Variants in VPS9D1 observed in about 807,000 individuals in gnomAD.
VPS9D1 encodes VPS9 domain-containing protein 1.
Under a neutral mutation model 75.8 loss-of-function variants are expected in VPS9D1, and 78 were observed. The observed-to-expected ratio is 1.03, with a 90% CI of 0.86 to 1.24. The LOEUF is 1.24. VPS9D1 is among the 50% of genes most tolerant of loss of function. The pLI is 0.00. For missense variants in VPS9D1, 1,057 were observed against 847.7 expected, an observed-to-expected ratio of 1.25 and a Z score of -3.07; for synonymous variants, 481 against 385.6, an observed-to-expected ratio of 1.25 and a Z score of -2.90.
Position 89,711,295 on chromosome 16 carries a change from A to C in VPS9D1, c.833+32T>G, listed in dbSNP as rs755247040. The C allele has an allele frequency of 1.3e-5, 21 of 1,581,214 alleles. No individual in the cohort carries two copies. In the South Asian group the frequency reaches 2.1e-4, roughly 16 times the overall value. On this transcript the variant is annotated intron_variant, in intron 9 of 14. Transcript: ENST00000389386. ...GCAGAGGTGCCCAAGGCCGGTGCGC[A>C]GGGGCTCTGTGGGGCCTGAAGGCCC...
intron 4 of VPS9D1, among the ~76,000 whole-genome samples, chr16:89,714,616 C>T (rs570577965): frequency 6.6e-6 from 1 of 152,328 alleles, no homozygotes; most frequent in East Asian, 1.9e-4. Context: ...GAGGAGTGGA[C>T]CCTTCTCGTC....
intron 8 of VPS9D1, 91 bp from the exon 9 acceptor site, chr16:89,711,503 G>A (rs2060919720): frequency 1.6e-6 from 2 of 1,270,074 alleles, no homozygotes; most frequent in Non-Finnish European, 2.2e-6. Flanking sequence ...CCTAGAGACT[G>A]TGGGAGCCCG....
At chr16:89,711,527 G>C in intron 8 of VPS9D1, 115 bp from the exon 9 acceptor site, 2 of 1,044,778 alleles carry the variant, frequency 1.9e-6, no homozygotes, top group Non-Finnish European at 2.7e-6. Flanking sequence ...TGGGGTGCAG[G>C]AGACCCAGCG....
At chr16:89,720,089 A>T (rs1196553370) in intron 1 of VPS9D1, among the ~76,000 whole-genome samples, 6 of 152,232 alleles carry the variant, frequency 3.9e-5, no homozygotes, top group Non-Finnish European at 7.3e-5. Context: ...TCAGAGAGAA[A>T]GACGAAATAT....
intron 4 of VPS9D1, 111 bp from the exon 5 acceptor site, chr16:89,712,827 A>G: frequency 3.1e-6 from 3 of 967,942 alleles, no homozygotes; most frequent in Non-Finnish European, 4.4e-6. Flanking sequence ...AGGTGAGGAG[A>G]AAGAGGAGGG....
At chr16:89,714,328 G>T (rs1360717310) in intron 4 of VPS9D1, among the ~76,000 whole-genome samples, 5 of 152,054 alleles carry the variant, frequency 3.3e-5, no homozygotes, top group African/African-American at 9.7e-5. Flanking sequence ...GTGGCCCAGG[G>T]AAGGCAAAAG....
Position 89,709,882 on chromosome 16 carries a change from A to C in VPS9D1, c.1283T>G (p.Leu428Arg). Residue 428 changes from leucine (L) to arginine (R), a missense_variant, in exon 11 of 15, where the codon CTG (leucine) becomes CGG (arginine). Transcript: ENST00000389386. ...AVDRLLSLTL[L>R]AFEGLNTAAS... ...AGCTGTGTTTAGGCCTTCGAAGGCC[A>C]GAAGGGTCAGCGAGAGCAGCCTGTC... 6 of 1,612,722 alleles carry C rather than the reference A, an allele frequency of 3.7e-6. No individual in the cohort carries two copies. Among genetic ancestry groups the C allele is most frequent in the Non-Finnish European group, 4.2e-6 (5 of 1,179,368 alleles).
intron 4 of VPS9D1, 111 bp downstream of exon 4, chr16:89,716,351 G>T: frequency 6.6e-7 from 1 of 1,506,886 alleles, no homozygotes; most frequent in Non-Finnish European, 9.0e-7. Flanking sequence ...GGGTGACAGA[G>T]TGAGACTCTG....
rs1295434197 is a variant in VPS9D1, at chr16:89,712,046, C to T, written c.659+1G>A. Reference sequence around the variant, plus strand: ...GCCCCAGGGGCGGGCAGGAGTCCCACCTGTTGGCGGCCTCCTGGAGCCGCA... The same window carrying T: ...GCCCCAGGGGCGGGCAGGAGTCCCATCTGTTGGCGGCCTCCTGGAGCCGCA... On this transcript the variant is annotated splice_donor_variant, in intron 7 of 14. Transcript: ENST00000389386. LOFTEE classifies it high-confidence loss of function. 6.5e-7 allele frequency: 1 copy of T among 1,548,990 alleles called. No individual in the cohort carries two copies. Among genetic ancestry groups the T allele is most frequent in the Admixed American group, 2.0e-5 (1 of 50,998 alleles).
At chr16:89,716,647 G>A (rs375666848) in intron 3 of VPS9D1, 23 bp from the exon 4 acceptor site, 5 of 1,609,166 alleles carry the variant, frequency 3.1e-6, no homozygotes, top group Non-Finnish European at 4.3e-6. Context: ...GGTAACCAGG[G>A]GTCAAGCGGT....
intron 4 of VPS9D1, 110 bp downstream of exon 4, chr16:89,716,352 T>C (rs1597925699): frequency 3.3e-6 from 5 of 1,516,198 alleles, no homozygotes; most frequent in East Asian, 2.3e-5. Context: ...GGTGACAGAG[T>C]GAGACTCTGT....
rs7188543 is a variant in VPS9D1, at chr16:89,717,860, G to C, written c.176-1038C>G. ...CTGTGTGATCCTACGTCCAGTGGCT[G>C]CCCCGACCTCTGTGATCCCACGTCC... On this transcript the variant is annotated intron_variant, in intron 2 of 14. Coordinates refer to ENST00000389386, the MANE Select transcript of VPS9D1 (RefSeq NM_004913.3). 188 of 448,448 alleles carry C rather than the reference G, an allele frequency of 4.2e-4. 2 individuals carry two copies. The highest frequency in any genetic ancestry group is 6.5e-4 in the Middle Eastern group (2 of 3,064). 27.8% of individuals were successfully genotyped at this position (448,448 alleles called of 1,614,324 possible).
Position 89,712,696 on chromosome 16 carries a change from T to C in VPS9D1, c.452A>G (p.Glu151Gly), listed in dbSNP as rs747445247. 6 of 1,608,848 alleles carry C rather than the reference T, an allele frequency of 3.7e-6. No homozygotes were observed. In the Admixed American group the frequency reaches 5.0e-5, roughly 14 times the overall value. Reference protein sequence around the residue: ...SCKKELTPLEEASLQNQKLKA... With the variant: ...SCKKELTPLEGASLQNQKLKA... ...CAGCTTCTGATTCTGCAGGGAGGCCTCCTCCAGTGGCGTCAGCTCTCTGGA... is the reference window on the plus strand; with the variant it reads ...CAGCTTCTGATTCTGCAGGGAGGCCCCCTCCAGTGGCGTCAGCTCTCTGGA... Residue 151 changes from glutamate (E) to glycine (G), a missense_variant, in exon 5 of 15, where the codon GAG becomes GGG. Transcript: ENST00000389386.
chr16:89,712,597 C>A lies in VPS9D1; in HGVS notation c.543+8G>T, dbSNP rs2060961222. Reference sequence around the variant, plus strand: ...CGCACCCCCAGGCCCTCCCTAGCCCCCACTCACCAGGGATGTCTTCTGCAT... The same window carrying A: ...CGCACCCCCAGGCCCTCCCTAGCCCACACTCACCAGGGATGTCTTCTGCAT... On this transcript the variant is annotated splice_region_variant and intron_variant, in intron 5 of 14. Transcript: ENST00000389386. 1.2e-6 allele frequency: 2 copies of A among 1,609,308 alleles called. No homozygotes were observed. Among genetic ancestry groups the A allele is most frequent in the Non-Finnish European group, 8.5e-7 (1 of 1,178,366 alleles).
intron 11 of VPS9D1, 142 bp downstream of exon 11, chr16:89,709,635 G>A (rs959482690): frequency 2.0e-5 from 28 of 1,414,802 alleles, no homozygotes; most frequent in Non-Finnish European, 2.5e-5. Context: ...ATGGCCTCAG[G>A]GTAAAGCACA....
At chr16:89,719,283 G>A (rs1302319705) in intron 1 of VPS9D1, 181 bp from the exon 2 acceptor site, 2 of 666,976 alleles carry the variant, frequency 3.0e-6, no homozygotes, top group Admixed American at 2.1e-5. Flanking sequence ...TTCTGCGCAG[G>A]GCACAGGCAG....
chr16:89,720,127 G>A (rs1301751540), intron 1 of VPS9D1, among the ~76,000 whole-genome samples: 2 of 152,198 alleles, frequency 1.3e-5, no homozygotes, highest in African/African-American at 4.8e-5. Context: ...TGACTTGCGG[G>A]GGCACCTGCT....
At chr16:89,715,447 C>T (rs1171476047) in intron 4 of VPS9D1, among the ~76,000 whole-genome samples, 5 of 151,396 alleles carry the variant, frequency 3.3e-5, no homozygotes, top group African/African-American at 1.2e-4. Context: ...AGGATGGTCT[C>T]GATCTCCTGA....
rs2060930151 is a variant in VPS9D1 at position 89,711,748 on chromosome 16, G to A, written c.747+134C>T. The A allele has an allele frequency of 3.6e-6, 4 of 1,114,048 alleles. No individual in the cohort carries two copies. In the African/African-American group the frequency reaches 6.5e-5, roughly 18 times the overall value. 69.0% of individuals were successfully genotyped at this position (1,114,048 alleles called of 1,614,324 possible). On this transcript the variant is annotated intron_variant, in intron 8 of 14. Transcript: ENST00000389386. ...CGCCCCCTCACCGGGCCCTCCCACG[G>A]GCCTCTGGCCCCGCCCCCTCACTGC...
Sources: gnomAD v4.1 joint callset for allele counts (sites outside exome capture counted in the v4.1 genomes callset) on GRCh38, gnomAD v4.1.1 for gene constraint, MANE v1.5 for transcripts, NCBI Gene and HGNC (gene_info 2026-07-23, HGNC 2026-07-21) for gene names.